The following LRP1B variants were observed in gnomAD, a reference collection of about 807,000 sequenced individuals.
LRP1B encodes LDL receptor related protein 1B.
LRP1B carries 217 observed loss-of-function variants against 556.6 expected under a neutral mutation model. The ratio of observed to expected loss-of-function variants is 0.39; its 90% confidence interval spans 0.35 to 0.44. The LOEUF is 0.44. Ranked by LOEUF, LRP1B falls within the 20% of genes least tolerant of loss-of-function variation. The probability of loss-of-function intolerance (pLI) is 1.00; values close to 1 mark genes in which losing one functional copy is unlikely to be tolerated. For missense variants in LRP1B, 5,053 were observed against 5,620.8 expected (o/e 0.90, Z 3.23); for synonymous variants, 2,047 against 1,865.8 (o/e 1.10, Z -2.50).
At chr2:141,749,216 T>C (rs1268639829) in intron 2 of LRP1B, among the ~76,000 whole-genome samples, 1 of 152,206 alleles carries the variant, frequency 6.6e-6, no homozygotes, top group African/African-American at 2.4e-5. Flanking sequence ...TTGATTCCTA[T>C]TCATGCTTGA....
chr2:140,455,590 T>G (rs1247709164), intron 62 of LRP1B, among the ~76,000 whole-genome samples: 1 of 152,134 alleles, frequency 6.6e-6, no homozygotes, highest in East Asian at 1.9e-4. Context: ...CCTGAAAAAG[T>G]TCTAATTGTT....
At chr2:140,782,498 G>C (rs1573711659) in intron 32 of LRP1B, among the ~76,000 whole-genome samples, 1 of 151,980 alleles carries the variant, frequency 6.6e-6, no homozygotes, top group Non-Finnish European at 1.5e-5. Flanking sequence ...GAAGAATCCT[G>C]CCCTGCCAAC....
intron 66 of LRP1B, among the ~76,000 whole-genome samples, chr2:140,389,284 G>A (rs1683905789): frequency 2.0e-5 from 3 of 151,784 alleles, no homozygotes; most frequent in Admixed American, 2.0e-4. Flanking sequence ...TATATGGATG[G>A]GATATTTCTG....
intron 1 of LRP1B, among the ~76,000 whole-genome samples, chr2:141,845,385 A>C (rs981862717): frequency 6.6e-6 from 1 of 152,032 alleles, no homozygotes; most frequent in Non-Finnish European, 1.5e-5. Flanking sequence ...GTTTTTGGAA[A>C]TATCAAATAC....
intron 7 of LRP1B, among the ~76,000 whole-genome samples, chr2:141,068,177 T>C (rs1052193501): frequency 6.6e-6 from 1 of 151,964 alleles, no homozygotes; most frequent in Admixed American, 6.6e-5. Context: ...CAAGCAAACA[T>C]TGAAGCGGTG....
At chr2:141,117,806 C>T (rs1190573428) in intron 7 of LRP1B, among the ~76,000 whole-genome samples, 1 of 151,948 alleles carries the variant, frequency 6.6e-6, no homozygotes, top group Non-Finnish European at 1.5e-5. Flanking sequence ...ATGGGTCATT[C>T]CCTGGCATGA....
intron 7 of LRP1B, among the ~76,000 whole-genome samples, chr2:141,129,749 C>T (rs987671054): frequency 4.0e-5 from 6 of 149,780 alleles, no homozygotes; most frequent in Non-Finnish European, 7.4e-5. Flanking sequence ...AAAATAGGAA[C>T]AAAATTCATA....
chr2:141,813,353 G>A (rs1696421462), intron 1 of LRP1B, among the ~76,000 whole-genome samples: 1 of 152,124 alleles, frequency 6.6e-6, no homozygotes, highest in African/African-American at 2.4e-5. Context: ...TAGGTGGTCA[G>A]AGTATATGTC....
At chr2:141,854,801 T>C (rs1697991672) in intron 1 of LRP1B, among the ~76,000 whole-genome samples, 2 of 152,176 alleles carry the variant, frequency 1.3e-5, no homozygotes, top group African/African-American at 4.8e-5. Flanking sequence ...GAACAGTTTT[T>C]AGAAGTTAGC....
At chr2:141,131,630 G>C (rs966994499) in intron 7 of LRP1B, among the ~76,000 whole-genome samples, 1 of 150,958 alleles carries the variant, frequency 6.6e-6, no homozygotes, top group African/African-American at 2.4e-5. Context: ...ATTATGGAAA[G>C]AATTTAACTA....
At chr2:141,522,282 T>G (rs1684553458) in intron 2 of LRP1B, among the ~76,000 whole-genome samples, 1 of 152,132 alleles carries the variant, frequency 6.6e-6, no homozygotes, top group South Asian at 2.1e-4. Flanking sequence ...AAAATGAATA[T>G]AAAGCTAGAC....
intron 43 of LRP1B, among the ~76,000 whole-genome samples, chr2:140,575,469 T>TG (rs558983150): frequency 1.3e-5 from 2 of 152,168 alleles, no homozygotes; most frequent in Non-Finnish European, 2.9e-5. Context: ...TCCAATAGAG[T>TG]TAATGGCATT....
chr2:141,817,221 G>A (rs1430210877), intron 1 of LRP1B, among the ~76,000 whole-genome samples: 2 of 152,102 alleles, frequency 1.3e-5, no homozygotes, highest in Non-Finnish European at 2.9e-5. Context: ...CCTATTATAT[G>A]AAACATAGTG....
chr2:141,681,274 C>A (rs867000891), intron 2 of LRP1B, among the ~76,000 whole-genome samples: 3 of 151,758 alleles, frequency 2.0e-5, no homozygotes, highest in Non-Finnish European at 4.4e-5. Context: ...GCCTGGGTGA[C>A]GGAGCAAGAG....
chr2:141,310,280 G>A (rs1686763546), intron 3 of LRP1B, among the ~76,000 whole-genome samples: 1 of 152,076 alleles, frequency 6.6e-6, no homozygotes, highest in Non-Finnish European at 1.5e-5. Context: ...TCAATCTTTG[G>A]TTTAAACCTT....
intron 27 of LRP1B, among the ~76,000 whole-genome samples, chr2:140,860,852 G>A (rs376769270): frequency 2.0e-5 from 3 of 152,100 alleles, no homozygotes; most frequent in Non-Finnish European, 4.4e-5. Flanking sequence ...TAGATGGGTG[G>A]TAGAGAAGAA....
chr2:141,656,553 A>G (rs538132279), intron 2 of LRP1B, among the ~76,000 whole-genome samples: 1 of 152,288 alleles, frequency 6.6e-6, no homozygotes, highest in East Asian at 1.9e-4. Context: ...GTATTGATTT[A>G]AACGTTGCTA....
At chr2:141,327,316 G>C (rs1687463932) in intron 3 of LRP1B, among the ~76,000 whole-genome samples, 1 of 152,162 alleles carries the variant, frequency 6.6e-6, no homozygotes, top group Non-Finnish European at 1.5e-5. Flanking sequence ...ATTGCAGTGA[G>C]GAAATTGCAA....
chr2:140,582,442 T>C (rs1681807162), intron 43 of LRP1B, among the ~76,000 whole-genome samples: 1 of 152,210 alleles, frequency 6.6e-6, no homozygotes, highest in Non-Finnish European at 1.5e-5. Context: ...GTGCTACGGT[T>C]CGAATGTCTT....
Sources: allele counts gnomAD v4.1 joint callset (sites outside exome capture counted in the v4.1 genomes callset), GRCh38; gene constraint gnomAD v4.1.1; transcripts MANE v1.5; gene names NCBI Gene and HGNC (gene_info 2026-07-23, HGNC 2026-07-21).